FLRT1: variants seen among roughly 807,000 people sequenced by gnomAD.
The protein encoded by FLRT1 is leucine-rich repeat transmembrane protein FLRT1.
A neutral mutation model predicts 30.9 loss-of-function variants in FLRT1; 14 were observed. The ratio of observed to expected loss-of-function variants is 0.45; its 90% CI spans 0.30 to 0.71. FLRT1 has a LOEUF of 0.71. Among genes scored for constraint, FLRT1 ranks in the 30% least tolerant of loss-of-function variants. The pLI is 0.08. For missense variants in FLRT1, 737 were observed against 949.2 expected (o/e 0.78, Z 2.94); for synonymous variants, 368 against 430.4 (o/e 0.85, Z 1.80).
chr11:64,090,133 CG>C lies in FLRT1; in HGVS notation c.-1037-13057del, dbSNP rs1590892618. The stretch of plus-strand genomic sequence containing the variant: ...GGGGAAGATATGCACCCTCTCCCCA[CG>C]GGGCTAGGGACTCATCTCTGCCTGT... On this transcript the variant is annotated intron_variant, in intron 1 of 2. Transcript: ENST00000682287. This position sits in a 1 kb window ranked among gnomAD's most constrained non-coding sequence, Gnocchi z 4.7. 6.6e-6 allele frequency among the ~76,000 whole-genome samples: 1 copy of C among 152,096 alleles called. No homozygotes were observed. The highest frequency in any genetic ancestry group is 1.9e-4 in the East Asian group (1 of 5,198).
intron 2 of FLRT1, among the ~76,000 whole-genome samples, chr11:64,110,718 C>T (rs774767198): frequency 2.0e-5 from 3 of 152,296 alleles, no homozygotes; most frequent in African/African-American, 7.2e-5. Context: ...ACTCACACCA[C>T]GCTGAAGTCT....
intron 2 of FLRT1, among the ~76,000 whole-genome samples, chr11:64,105,939 T>C (rs1944755302): frequency 9.8e-6 from 1 of 102,316 alleles, no homozygotes. Context: ...TCCAGGGTCC[T>C]GAGTGGTGGG....
intron 1 of FLRT1, among the ~76,000 whole-genome samples, chr11:64,087,420 G>A (rs756063863): frequency 1.3e-5 from 2 of 152,174 alleles, no homozygotes; most frequent in Non-Finnish European, 2.9e-5. Context: ...GGAGACTCCG[G>A]GGTGCGTCTG....
At chr11:64,100,740 G>T (rs1471407390) in intron 1 of FLRT1, among the ~76,000 whole-genome samples, 1 of 152,194 alleles carries the variant, frequency 6.6e-6, no homozygotes, top group African/African-American at 2.4e-5. Flanking sequence ...AGACTCACTT[G>T]GAAAACCAAT....
At position 64,117,694 on chromosome 11, in the gene FLRT1, C is replaced by G; in HGVS notation, c.1427C>G (p.Ala476Gly). ...TGGCTGCGCCTGGGCCACAGCCCAG[C>G]CGTGGGCTCCATCACGGAGACCTTG... ...LSWLRLGHSP[A>G]VGSITETLVQ... The change falls in exon 3 of 3, where the codon GCC becomes GGC. Residue 476 changes from alanine to glycine, a missense_variant. Physicochemically the swap from Ala to Gly is moderately conservative, Grantham distance 60. Coordinates refer to ENST00000682287, the MANE Select transcript of FLRT1 (RefSeq NM_013280.5). 1 of 1,613,580 alleles carries G rather than the reference C, an allele frequency of 6.2e-7. No homozygotes were observed. The highest frequency in any genetic ancestry group is 1.1e-5 in the South Asian group (1 of 91,050).
chr11:64,117,671 G>A lies in FLRT1; in HGVS notation c.1404G>A (p.Trp468Ter). The A allele has an allele frequency of 1.2e-6, 2 of 1,613,726 alleles. No individual in the cohort carries two copies. Among genetic ancestry groups the A allele is most frequent in the Non-Finnish European group, 1.7e-6 (2 of 1,180,036 alleles). The change falls in exon 3 of 3, where the codon TGG becomes TGA. Residue 468 changes from tryptophan to a stop codon, truncating the protein, a stop_gained. Transcript: ENST00000682287. LOFTEE classifies it high-confidence loss of function. ...CCGCCTCCTCTTTCCGGCTCAGTTG[G>A]CTGCGCCTGGGCCACAGCCCAGCCG... ...TLPASSFRLSWLRLGHSPAVG... is the reference protein window; with the variant it reads ...TLPASSFRLS
intron 2 of FLRT1, among the ~76,000 whole-genome samples, chr11:64,108,893 C>T (rs536453234): frequency 6.6e-6 from 1 of 152,304 alleles, no homozygotes; most frequent in East Asian, 1.9e-4. Flanking sequence ...CCAGGCCACA[C>T]ACCAGTGCCA....
chr11:64,037,559 A>G (rs1399871367), intron 1 of FLRT1, among the ~76,000 whole-genome samples: 4 of 152,152 alleles, frequency 2.6e-5, no homozygotes, highest in Non-Finnish European at 5.9e-5. Flanking sequence ...TAGCTGGGCC[A>G]GCAGTGAGGG....
At position 64,117,387 on chromosome 11, in the gene FLRT1, G is replaced by A. The variant is rs138445479; in HGVS notation, c.1120G>A (p.Glu374Lys). The A allele has an allele frequency of 8.1e-6, 13 of 1,612,198 alleles. No homozygotes were observed. Among genetic ancestry groups the A allele is most frequent in the East Asian group, 2.2e-5 (1 of 44,826 alleles). ...RGMAIKDITSEMDECFETGPQ... is the reference protein window; with the variant it reads ...RGMAIKDITSKMDECFETGPQ... ...CATGGCCATCAAGGACATTACCAGC[G>A]AGATGGACGAGTGTTTTGAGACGGG... The change falls in exon 3 of 3, where the codon GAG becomes AAG. Residue 374 changes from glutamate to lysine, a missense_variant. By Grantham distance (56) the Glu-to-Lys change is moderately conservative (BLOSUM62 1). Coordinates refer to ENST00000682287, the MANE Select transcript of FLRT1 (RefSeq NM_013280.5).
Position 64,036,808 on chromosome 11 carries a change from G to A in FLRT1, c.-1038+649G>A, listed in dbSNP as rs1157099792. 6.6e-6 allele frequency among the ~76,000 whole-genome samples: 1 copy of A among 152,116 alleles called. No individual in the cohort carries two copies. The highest frequency in any genetic ancestry group is 2.4e-5 in the African/African-American group (1 of 41,432). ...CATGGTGCCTGGGCGGGGGGCGGCG[G>A]GCACCCCCCATCCCCCAGCTCTCAA... is the stretch of plus-strand genomic sequence containing the variant. On this transcript the variant is annotated intron_variant, in intron 1 of 2. Transcript: ENST00000682287. This position sits in a 1 kb window ranked among gnomAD's most constrained non-coding sequence, Gnocchi z 5.6.
rs530436102 is a variant in FLRT1 at position 64,104,166 on chromosome 11, G to A, written c.-65G>A. 3.3e-5 allele frequency: 5 copies of A among 152,478 alleles called. No individual in the cohort carries two copies. Among genetic ancestry groups the A allele is most frequent in the South Asian group, 2.1e-4 (1 of 4,826 alleles). 9.4% of individuals were successfully genotyped at this position (152,478 alleles called of 1,614,324 possible). A position where few individuals can be genotyped will look rare whatever the true frequency, so the allele number is the denominator to read the frequency against. ...CAGTCAAACCCAGAGGGTCTTGGGC[G>A]GCAGCGACGAAGGAGGTAAGGCCCA... On this transcript the variant is annotated 5_prime_UTR_variant, in exon 2 of 3. Coordinates refer to ENST00000682287, the MANE Select transcript of FLRT1 (RefSeq NM_013280.5).
intron 1 of FLRT1, among the ~76,000 whole-genome samples, chr11:64,068,256 A>G (rs1249197413): frequency 1.3e-5 from 2 of 152,214 alleles, no homozygotes; most frequent in Admixed American, 6.5e-5. Flanking sequence ...CTTCAGTCCC[A>G]GGCATTGGGG....
rs1476914398 is a variant in FLRT1 at position 64,103,665 on chromosome 11, A to G, written c.-566A>G. 1 of 152,022 alleles carries G rather than the reference A, an allele frequency of 6.6e-6. No individual in the cohort carries two copies. The highest frequency in any genetic ancestry group is 2.4e-5 in the African/African-American group (1 of 41,348). 9.4% of individuals were successfully genotyped at this position (152,022 alleles called of 1,614,324 possible). Reference sequence around the variant, plus strand: ...CTTCAGAAGAGGTGGCGGGCTGCAGACAAAAGGGCAAGAGTTGAAAAGGGC... The same window carrying G: ...CTTCAGAAGAGGTGGCGGGCTGCAGGCAAAAGGGCAAGAGTTGAAAAGGGC... On this transcript the variant is annotated 5_prime_UTR_variant, in exon 2 of 3. Transcript: ENST00000682287.
intron 1 of FLRT1, among the ~76,000 whole-genome samples, chr11:64,046,093 AAGGTCACAC>A (rs61524414): frequency 0.3 from 46,290 of 151,788 alleles, 8,048 homozygotes; most frequent in African/African-American, 0.48. Context: ...ACAGGCAGCC[AAGGTCACAC>A]AGGTCACACA....
intron 1 of FLRT1, among the ~76,000 whole-genome samples, chr11:64,072,290 G>A (rs1346592986): frequency 1.3e-5 from 2 of 152,202 alleles, no homozygotes; most frequent in Non-Finnish European, 2.9e-5. Context: ...TGGAGAGCCA[G>A]GCCCCAGAAC....
At position 64,103,643 on chromosome 11, in the gene FLRT1, C is replaced by T. The variant is rs1404840475; in HGVS notation, c.-588C>T. On this transcript the variant is annotated 5_prime_UTR_variant, in exon 2 of 3. Transcript: ENST00000682287. ...GGGTAAAAGCCACGCAGAGGCCCTT[C>T]AGAAGAGGTGGCGGGCTGCAGACAA... is the stretch of plus-strand genomic sequence containing the variant. The T allele has an allele frequency of 6.6e-6, 1 of 151,898 alleles. No homozygotes were observed. Among genetic ancestry groups the T allele is most frequent in the Non-Finnish European group, 1.5e-5 (1 of 68,018 alleles). The allele number at this position is 151,898 out of a possible 1,614,324, so 9.4% of individuals were successfully genotyped here.
chr11:64,099,303 A>G (rs1662640062), intron 1 of FLRT1, among the ~76,000 whole-genome samples: 1 of 152,252 alleles, frequency 6.6e-6, no homozygotes, highest in South Asian at 2.1e-4. Context: ...TAGCCCTCTG[A>G]AAACCAATGC....
chr11:64,116,309 C>T lies in FLRT1; in HGVS notation c.42C>T (p.Pro14=). 3.7e-6 allele frequency: 6 copies of T among 1,607,878 alleles called. No individual in the cohort carries two copies. The highest frequency in any genetic ancestry group is 5.1e-6 in the Non-Finnish European group (6 of 1,178,488). The change falls in exon 3 of 3, where the codon CCC becomes CCT. Residue 14 remains proline, a synonymous_variant. Coordinates refer to ENST00000682287, the MANE Select transcript of FLRT1 (RefSeq NM_013280.5). ...CCACCGCCACTGCCACCACCACGCC[C>T]ACTGCCACTGTCACGGCCACCGTTG... ...AHPTATATTT[P]TATVTATVVM...
chr11:64,052,440 C>T (rs1943712257), intron 1 of FLRT1, among the ~76,000 whole-genome samples: 1 of 152,180 alleles, frequency 6.6e-6, no homozygotes, highest in Non-Finnish European at 1.5e-5. Flanking sequence ...TCTCTCTCCC[C>T]AGTTGCTGGG....
Sources: gnomAD v4.1 joint callset for allele counts (sites outside exome capture counted in the v4.1 genomes callset) on GRCh38, gnomAD v4.1.1 for gene constraint, Gnocchi (gnomAD v3.1) non-coding constraint, MANE v1.5 for transcripts, NCBI Gene and HGNC (gene_info 2026-07-23, HGNC 2026-07-21) for gene names.